Variants in JAKMIP3 observed in about 807,000 individuals in gnomAD.
JAKMIP3 encodes the protein Janus kinase and microtubule interacting protein 3.
Under a neutral mutation model 118.5 loss-of-function variants are expected in JAKMIP3, and 58 were observed. The ratio of observed to expected loss-of-function variants is 0.49; its 90% CI spans 0.40 to 0.61. The LOEUF (loss-of-function observed/expected upper bound fraction) is 0.61. JAKMIP3 is among the 20% of genes least tolerant of loss of function. JAKMIP3 has a pLI of 0.00. For synonymous variants in JAKMIP3, 486 were observed against 451.2 expected, an observed-to-expected ratio of 1.08 and a Z score of -0.98; for missense variants, 950 against 1,109.0, an observed-to-expected ratio of 0.86 and a Z score of 2.04.
Position 132,180,618 on chromosome 10 carries a change from T to TGTGCGC in JAKMIP3, c.*1104-1736_*1104-1735insCGCGTG, listed in dbSNP as rs2060882535. Among the ~76,000 whole-genome samples the TGTGCGC allele has an allele frequency of 8.3e-5, 2 of 24,210 alleles. 1 individual carries two copies. Among genetic ancestry groups the TGTGCGC allele is most frequent in the African/African-American group, 4.1e-4 (2 of 4,872 alleles). The allele number at this position is 24,210 out of a possible 152,430, so 15.9% of individuals were successfully genotyped here. On this transcript the variant is annotated intron_variant, in intron 23 of 23. Transcript: ENST00000684848. The stretch of plus-strand genomic sequence containing the variant: ...GTGTGCGTGCGCGTGTGTGTGTGCG[T>TGTGCGC]GTGTGTGCGTGTGTGCGTGCGTGTG...
At chr10:132,155,484 G>T (rs1193874078) in intron 19 of JAKMIP3, among the ~76,000 whole-genome samples, 1 of 152,228 alleles carries the variant, frequency 6.6e-6, no homozygotes, top group Admixed American at 6.5e-5. Flanking sequence ...AGGGGCCAGG[G>T]CTCAAACGCA....
chr10:132,067,117 G>A (rs1283438008), intron 1 of JAKMIP3, among the ~76,000 whole-genome samples: 1 of 152,146 alleles, frequency 6.6e-6, no homozygotes, highest in Non-Finnish European at 1.5e-5. Flanking sequence ...GAGCCGGGCC[G>A]AGGAAGGACC....
intron 1 of JAKMIP3, among the ~76,000 whole-genome samples, chr10:132,046,118 C>T (rs1034329069): frequency 6.6e-6 from 1 of 152,084 alleles, no homozygotes; most frequent in South Asian, 2.1e-4. Context: ...TTCCACGCTC[C>T]CACCACAGAT....
rs1160426739 is a variant in JAKMIP3 at position 132,066,001 on chromosome 10, G to A, written c.-198G>A. Reference sequence around the variant, plus strand: ...CCGGACTGAGTCTTGGACGAGCCGGGAAAGATTCTCACAGTCGAGCAGAGC... The same window carrying A: ...CCGGACTGAGTCTTGGACGAGCCGGAAAAGATTCTCACAGTCGAGCAGAGC... On this transcript the variant is annotated 5_prime_UTR_variant, in exon 1 of 24. Transcript: ENST00000684848. Among the ~76,000 whole-genome samples, 1 of 152,220 alleles carries A rather than the reference G, an allele frequency of 6.6e-6. No individual in the cohort carries two copies. Among genetic ancestry groups the A allele is most frequent in the Non-Finnish European group, 1.5e-5 (1 of 68,036 alleles).
intron 3 of JAKMIP3, among the ~76,000 whole-genome samples, chr10:132,122,683 A>C (rs1014008018): frequency 6.6e-6 from 1 of 152,162 alleles, no homozygotes; most frequent in Admixed American, 6.5e-5. Flanking sequence ...AGAGGCCTGC[A>C]GGGTGGGGAT....
intron 3 of JAKMIP3, among the ~76,000 whole-genome samples, chr10:132,129,624 G>A (rs2050202282): frequency 6.6e-6 from 1 of 152,196 alleles, no homozygotes. Flanking sequence ...GAAAACGTTA[G>A]GGGAGGCGGG....
rs1450730626 is a variant in JAKMIP3, at chr10:132,117,602, G to A, written c.633+28G>A. On this transcript the variant is annotated intron_variant, in intron 3 of 23. Transcript: ENST00000684848. The surrounding 1 kb of genome is among the most constrained non-coding windows in gnomAD (Gnocchi z 8.6). ...ACGTGGGCAGGCAGGGGCGGGCGTGGGCGAGGGTGCAGGGGCGGGCGTGGG... is the reference window on the plus strand; with the variant it reads ...ACGTGGGCAGGCAGGGGCGGGCGTGAGCGAGGGTGCAGGGGCGGGCGTGGG... The A allele has an allele frequency of 1.1e-6, 1 of 871,114 alleles. No homozygotes were observed. The highest frequency in any genetic ancestry group is 1.5e-6 in the Non-Finnish European group (1 of 676,852). 54.0% of individuals were successfully genotyped at this position (871,114 alleles called of 1,614,324 possible).
intron 13 of JAKMIP3, among the ~76,000 whole-genome samples, chr10:132,146,837 G>A (rs531730972): frequency 4.6e-5 from 7 of 152,308 alleles, no homozygotes; most frequent in East Asian, 1.9e-4. Context: ...TTAGAAGTGC[G>A]TTTCCACAGG....
At chr10:132,069,798 T>C (rs1237115675) in intron 1 of JAKMIP3, among the ~76,000 whole-genome samples, 2 of 152,184 alleles carry the variant, frequency 1.3e-5, no homozygotes, top group African/African-American at 4.8e-5. Flanking sequence ...GGTGGTGATG[T>C]TGGGTTGGGA....
At chr10:132,098,004 C>CTTTCCCTATCCT (rs1199956471) in intron 1 of JAKMIP3, among the ~76,000 whole-genome samples, 1 of 49,192 alleles carries the variant, frequency 2.0e-5, no homozygotes, top group Non-Finnish European at 4.3e-5. Context: ...TCCCCTTCCC[C>CTTTCCCTATCCT]TCCTTCCTTT....
At chr10:132,084,240 A>G (rs2042117545) in intron 1 of JAKMIP3, among the ~76,000 whole-genome samples, 1 of 152,114 alleles carries the variant, frequency 6.6e-6, no homozygotes, top group Admixed American at 6.6e-5. Flanking sequence ...TTTTCCTTGT[A>G]GAGGTCTTTC....
At chr10:132,153,733 G>A (rs770759350) in intron 17 of JAKMIP3, 26 bp from the exon 18 acceptor site, 2 of 1,612,132 alleles carry the variant, frequency 1.2e-6, no homozygotes, top group African/African-American at 2.7e-5. Flanking sequence ...AGGGGTCACT[G>A]TCCTGCTTGT....
At chr10:132,170,337 G>A (rs1422545054) in intron 23 of JAKMIP3, 1 of 152,210 alleles carries the variant, frequency 6.6e-6, no homozygotes, top group Non-Finnish European at 1.5e-5. Flanking sequence ...ACACGGCGTG[G>A]ACATACGCAC....
intron 2 of JAKMIP3, among the ~76,000 whole-genome samples, chr10:132,109,032 A>ATG (rs2046382832): frequency 7.0e-6 from 1 of 143,554 alleles, no homozygotes; most frequent in African/African-American, 2.6e-5. Context: ...CAAATTATAT[A>ATG]TGTATATATA....
At chr10:132,099,445 C>T (rs1265669479) in intron 1 of JAKMIP3, among the ~76,000 whole-genome samples, 1 of 152,168 alleles carries the variant, frequency 6.6e-6, no homozygotes, top group Non-Finnish European at 1.5e-5. Flanking sequence ...AGGCAATCTG[C>T]ACTGTTAATT....
chr10:132,149,539 C>CCG, intron 15 of JAKMIP3, 29 bp downstream of exon 15: 1 of 106,052 alleles, frequency 9.4e-6, no homozygotes, highest in Non-Finnish European at 1.4e-5. Flanking sequence ...GCCCACTCCG[C>CCG]CCCCACCTCA....
At position 132,180,546 on chromosome 10, in the gene JAKMIP3, C is replaced by CGTGCGTGTGTGTGTGT. The variant is rs1194411123; in HGVS notation, c.*1104-1804_*1104-1803insTGTGTGTGTGTGCGTG. 8.8e-4 allele frequency among the ~76,000 whole-genome samples: 14 copies of CGTGCGTGTGTGTGTGT among 15,966 alleles called. 6 individuals carry two copies. Among genetic ancestry groups the CGTGCGTGTGTGTGTGT allele is most frequent in the Non-Finnish European group, 3.3e-4 (3 of 9,050 alleles). 10.5% of individuals were successfully genotyped at this position (15,966 alleles called of 152,430 possible). ...AACTGTGTGTGTGTGTGTGTGTGTG[C>CGTGCGTGTGTGTGTGT]GTGCGTGCATGCGTGTGTGTGCGTG... On this transcript the variant is annotated intron_variant, in intron 23 of 23. Coordinates refer to ENST00000684848, the MANE Select transcript of JAKMIP3 (RefSeq NM_001323087.2).
intron 11 of JAKMIP3, among the ~76,000 whole-genome samples, chr10:132,143,542 A>G (rs7087871): frequency 0.26 from 39,858 of 152,102 alleles, 5,812 homozygotes; most frequent in Non-Finnish European, 0.34. Flanking sequence ...TCCAAACTGC[A>G]TGTAAAAAAA....
Position 132,179,361 on chromosome 10 carries a change from TC to T in JAKMIP3, c.*1104-2992del, listed in dbSNP as rs2060481281. On this transcript the variant is annotated intron_variant, in intron 23 of 23. Coordinates refer to ENST00000684848, the MANE Select transcript of JAKMIP3 (RefSeq NM_001323087.2). The surrounding 1 kb of genome is among the most constrained non-coding windows in gnomAD (Gnocchi z 4.3). ...GGCTCCACCTGCACTATGCCTGAGC[TC>T]CCCACATCCTACCTCTCTCCTGTCA... Among the ~76,000 whole-genome samples the T allele has an allele frequency of 6.6e-6, 1 of 151,980 alleles. No individual in the cohort carries two copies. The highest frequency in any genetic ancestry group is 6.6e-5 in the Admixed American group (1 of 15,258).
Sources: gnomAD v4.1 joint callset for allele counts (sites outside exome capture counted in the v4.1 genomes callset) on GRCh38, gnomAD v4.1.1 for gene constraint, Gnocchi (gnomAD v3.1) non-coding constraint, MANE v1.5 for transcripts, NCBI Gene and HGNC (gene_info 2026-07-23, HGNC 2026-07-21) for gene names.